Variants in CTNNA1 observed in about 807,000 individuals in gnomAD.
CTNNA1 encodes the protein catenin alpha-1.
Under a neutral mutation model 98.4 loss-of-function variants are expected in CTNNA1, and 37 were observed. The observed-to-expected ratio is 0.38, with a 90% CI of 0.29 to 0.49. The LOEUF is 0.49. Among genes scored for constraint, CTNNA1 ranks in the 20% least tolerant of loss-of-function variants. The pLI, the probability that CTNNA1 is intolerant of heterozygous loss-of-function variation, is 0.95. For synonymous variants in CTNNA1, 404 were observed against 413.2 expected, an observed-to-expected ratio of 0.98 and a Z score of 0.27; for missense variants, 761 against 1,147.2, an observed-to-expected ratio of 0.66 and a Z score of 4.86.
intron 7 of CTNNA1, chr5:138,869,579 C>G (rs1358027759): frequency 6.6e-6 from 1 of 152,022 alleles, no homozygotes; most frequent in East Asian, 1.9e-4. Flanking sequence ...TAGCTTTTTC[C>G]CCTGATAGCT....
At chr5:138,898,517 G>A (rs1757383172) in intron 9 of CTNNA1, among the ~76,000 whole-genome samples, 2 of 151,508 alleles carry the variant, frequency 1.3e-5, no homozygotes, top group African/African-American at 2.4e-5. Flanking sequence ...ATAATACCAT[G>A]TGAATGGAAA....
chr5:138,892,523 A>C, intron 9 of CTNNA1, among the ~76,000 whole-genome samples: 1 of 151,204 alleles, frequency 6.6e-6, no homozygotes, highest in Non-Finnish European at 1.5e-5. Context: ...TTTTTAGAAG[A>C]GATGGAGTTT....
intron 7 of CTNNA1, among the ~76,000 whole-genome samples, chr5:138,857,475 G>A (rs1229043503): frequency 1.3e-5 from 2 of 151,014 alleles, no homozygotes; most frequent in Non-Finnish European, 2.9e-5. Flanking sequence ...CACTGCATTC[G>A]TTAAAAAAAA....
chr5:138,904,131 A>G (rs1456830533), intron 9 of CTNNA1, among the ~76,000 whole-genome samples: 1 of 152,230 alleles, frequency 6.6e-6, no homozygotes, highest in Non-Finnish European at 1.5e-5. Flanking sequence ...TTTTGCCACC[A>G]ACCTGCAATG....
intron 3 of CTNNA1, among the ~76,000 whole-genome samples, chr5:138,804,759 T>G (rs970235716): frequency 3.3e-5 from 5 of 152,202 alleles, no homozygotes; most frequent in Admixed American, 6.5e-5. Context: ...TGTACAGGTT[T>G]TTAGTTGTGT....
intron 5 of CTNNA1, among the ~76,000 whole-genome samples, chr5:138,818,670 G>T (rs1005294525): frequency 6.6e-6 from 1 of 152,178 alleles, no homozygotes; most frequent in Non-Finnish European, 1.5e-5. Context: ...GTAGAAGTTT[G>T]TGGTAGTTGT....
chr5:138,775,312 T>C (rs1468787270), intron 1 of CTNNA1, among the ~76,000 whole-genome samples: 2 of 152,238 alleles, frequency 1.3e-5, no homozygotes, highest in Non-Finnish European at 2.9e-5. Flanking sequence ...ATCTAGAGCA[T>C]TCCATTTCCT....
intron 5 of CTNNA1, among the ~76,000 whole-genome samples, chr5:138,819,153 C>T (rs982541714): frequency 5.9e-5 from 9 of 152,044 alleles, no homozygotes; most frequent in Admixed American, 5.9e-4. Flanking sequence ...GCCAATAGGG[C>T]TCAGTGGCAA....
chr5:138,852,604 A>G (rs1247794583), intron 7 of CTNNA1, among the ~76,000 whole-genome samples: 1 of 152,174 alleles, frequency 6.6e-6, no homozygotes, highest in Non-Finnish European at 1.5e-5. Flanking sequence ...CTTAACTTTA[A>G]CATGTACAAT....
At chr5:138,879,737 G>A (rs1752488866) in intron 7 of CTNNA1, among the ~76,000 whole-genome samples, 1 of 152,174 alleles carries the variant, frequency 6.6e-6, no homozygotes, top group African/African-American at 2.4e-5. Context: ...GGGATTACAG[G>A]TGTCAACCAC....
chr5:138,868,312 C>G (rs1385978401), intron 7 of CTNNA1, among the ~76,000 whole-genome samples: 1 of 152,174 alleles, frequency 6.6e-6, no homozygotes, highest in African/African-American at 2.4e-5. Context: ...CAGTGTTGTT[C>G]AAGGGTCAAT....
intron 9 of CTNNA1, among the ~76,000 whole-genome samples, chr5:138,897,109 C>A (rs947812614): frequency 1.3e-5 from 2 of 152,124 alleles, no homozygotes; most frequent in Non-Finnish European, 2.9e-5. Flanking sequence ...CCTTTCCCCG[C>A]TACCACCAGT....
intron 1 of CTNNA1, 132 bp from the exon 2 acceptor site, chr5:138,781,791 C>G: frequency 1.4e-6 from 1 of 701,818 alleles, no homozygotes; most frequent in South Asian, 2.1e-5. Flanking sequence ...CATGTGTAGG[C>G]TAGTTAGAAT....
At chr5:138,916,395 CTT>C (rs751646294) in intron 10 of CTNNA1, among the ~76,000 whole-genome samples, 37 of 139,364 alleles carry the variant, frequency 2.7e-4, no homozygotes, top group Admixed American at 3.6e-4. Flanking sequence ...TGTTTTTTGT[CTT>C]TTTTTTTTTT....
intron 3 of CTNNA1, among the ~76,000 whole-genome samples, chr5:138,802,538 T>C (rs751690691): frequency 1.3e-5 from 2 of 152,160 alleles, no homozygotes; most frequent in Non-Finnish European, 2.9e-5. Context: ...AATATGATGT[T>C]GGAAACTGCC....
chr5:138,865,338 G>A (rs529190659), intron 7 of CTNNA1, among the ~76,000 whole-genome samples: 43 of 152,168 alleles, frequency 2.8e-4, no homozygotes, highest in Non-Finnish European at 5.1e-4. Context: ...CACAGAGTGC[G>A]CAGCATGCTT....
rs1010914732 is a variant in CTNNA1 at position 138,874,622 on chromosome 5, T to TA, written c.1063-11582dup. 144 of 1,011,032 alleles carry TA rather than the reference T, an allele frequency of 1.4e-4. 2 individuals are homozygous for TA. Among genetic ancestry groups the TA allele is most frequent in the African/African-American group, 8.0e-4 (49 of 61,384 alleles). 62.6% of individuals were successfully genotyped at this position (1,011,032 alleles called of 1,614,324 possible). A position where few individuals can be genotyped will look rare whatever the true frequency, so the allele number is the denominator to read the frequency against. ...TTTTCAGCAGAACATATGGGCTATTTAAAAAAAACAACCACCACCAACATT... is the reference window on the plus strand; with the variant it reads ...TTTTCAGCAGAACATATGGGCTATTTAAAAAAAAACAACCACCACCAACATT... On this transcript the variant is annotated intron_variant, in intron 7 of 17. Coordinates refer to ENST00000302763, the MANE Select transcript of CTNNA1 (RefSeq NM_001903.5). The surrounding 1 kb of genome is among the most constrained non-coding windows in gnomAD (Gnocchi z 4.1).
intron 3 of CTNNA1, among the ~76,000 whole-genome samples, chr5:138,783,714 G>A (rs1449238557): frequency 2.6e-5 from 4 of 152,306 alleles, no homozygotes; most frequent in Admixed American, 6.5e-5. Flanking sequence ...AACACAAATT[G>A]ATAGGAAAGA....
At chr5:138,866,591 C>T (rs1764807800) in intron 7 of CTNNA1, among the ~76,000 whole-genome samples, 1 of 152,140 alleles carries the variant, frequency 6.6e-6, no homozygotes, top group South Asian at 2.1e-4. Flanking sequence ...TGCTGGATTT[C>T]TATTGGGAGT....
Sources: gnomAD v4.1 joint callset for allele counts (sites outside exome capture counted in the v4.1 genomes callset) on GRCh38, gnomAD v4.1.1 for gene constraint, Gnocchi (gnomAD v3.1) non-coding constraint, MANE v1.5 for transcripts, NCBI Gene and HGNC (gene_info 2026-07-23, HGNC 2026-07-21) for gene names.